Variants in RAB3D observed in about 807,000 individuals in gnomAD.
RAB3D encodes the protein RAB3D, member RAS oncogene family.
A neutral mutation model predicts 19.3 loss-of-function variants in RAB3D; 17 were observed. The ratio of observed to expected loss-of-function variants is 0.88; its 90% CI spans 0.60 to 1.32. The LOEUF (loss-of-function observed/expected upper bound fraction) is 1.32. RAB3D is among the 40% of genes most tolerant of loss of function. RAB3D has a pLI of 0.00. For missense variants in RAB3D, 223 were observed against 299.1 expected (o/e 0.75, Z 1.88); for synonymous variants, 103 against 119.9 (o/e 0.86, Z 0.92).
intron 4 of RAB3D, among the ~76,000 whole-genome samples, chr19:11,328,351 A>AAG (rs1194348303): frequency 6.0e-5 from 9 of 149,344 alleles, no homozygotes; most frequent in Admixed American, 2.0e-4. Flanking sequence ...AAAAAAAAAA[A>AAG]AAGAAGAAGG....
rs1023937898 is a variant in RAB3D at position 11,325,275 on chromosome 19, C to T, written c.*123G>A. 7.6e-6 allele frequency: 5 copies of T among 653,868 alleles called. No homozygotes were observed. Among genetic ancestry groups the T allele is most frequent in the African/African-American group, 7.4e-5 (4 of 53,754 alleles). 40.5% of individuals were successfully genotyped at this position (653,868 alleles called of 1,614,324 possible). A position where few individuals can be genotyped will look rare whatever the true frequency, so the allele number is the denominator to read the frequency against. On this transcript the variant is annotated 3_prime_UTR_variant, in exon 5 of 5. Coordinates refer to ENST00000222120, the MANE Select transcript of RAB3D (RefSeq NM_004283.4). Reference sequence around the variant, plus strand: ...GTGAAGGAATGAGCCATGCAGGAGTCGGGGAGCAGTTGACAGGAGGGAAGG... The same window carrying T: ...GTGAAGGAATGAGCCATGCAGGAGTTGGGGAGCAGTTGACAGGAGGGAAGG...
intron 1 of RAB3D, among the ~76,000 whole-genome samples, chr19:11,338,390 G>A (rs555656367): frequency 6.6e-6 from 1 of 152,302 alleles, no homozygotes; most frequent in Admixed American, 6.5e-5. Flanking sequence ...AGCTGGGGTG[G>A]GGTGGGGGGA....
chr19:11,323,924 A>T lies in RAB3D; in HGVS notation c.*1474T>A, dbSNP rs910910137. ...CTGCGCCCCTAGAGTTTGGAATCTG[A>T]TGGGCAGAAAGTGCCTCTAAACCGG... is the stretch of plus-strand genomic sequence containing the variant. On this transcript the variant is annotated 3_prime_UTR_variant, in exon 5 of 5. Transcript: ENST00000222120. The T allele has an allele frequency of 6.6e-6, 1 of 152,216 alleles. No homozygotes were observed. Among genetic ancestry groups the T allele is most frequent in the African/African-American group, 2.4e-5 (1 of 41,418 alleles). 9.4% of individuals were successfully genotyped at this position (152,216 alleles called of 1,614,324 possible).
chr19:11,325,604 G>A lies in RAB3D; in HGVS notation c.473-19C>T. ...TCGAAACCTGGATGAATGTTAAGGTGGGGACACTCGTAAGACCCCTGAGGG... is the reference window on the plus strand; with the variant it reads ...TCGAAACCTGGATGAATGTTAAGGTAGGGACACTCGTAAGACCCCTGAGGG... On this transcript the variant is annotated intron_variant, in intron 4 of 4. Transcript: ENST00000222120. 1 of 1,524,422 alleles carries A rather than the reference G, an allele frequency of 6.6e-7. No homozygotes were observed. The highest frequency in any genetic ancestry group is 8.7e-7 in the Non-Finnish European group (1 of 1,144,868). 94.4% of individuals were successfully genotyped at this position (1,524,422 alleles called of 1,614,324 possible). A position where few individuals can be genotyped will look rare whatever the true frequency, so the allele number is the denominator to read the frequency against.
chr19:11,336,920 A>G (rs1966900399), intron 2 of RAB3D, among the ~76,000 whole-genome samples: 1 of 151,124 alleles, frequency 6.6e-6, no homozygotes, highest in Non-Finnish European at 1.5e-5. Context: ...CAGTGAGCCA[A>G]CATTGTGCCA....
intron 4 of RAB3D, among the ~76,000 whole-genome samples, chr19:11,334,748 C>T (rs1378499615): frequency 6.6e-6 from 1 of 152,152 alleles, no homozygotes. Context: ...CATGGTGAAA[C>T]CCCATCTTTA....
intron 4 of RAB3D, among the ~76,000 whole-genome samples, chr19:11,333,781 C>T (rs1020891887): frequency 6.6e-6 from 1 of 151,888 alleles, no homozygotes; most frequent in African/African-American, 2.4e-5. Flanking sequence ...GCAGCCTCCA[C>T]CTCTCAGGTT....
chr19:11,329,634 GA>G (rs957745269), intron 4 of RAB3D, among the ~76,000 whole-genome samples: 83 of 150,714 alleles, frequency 5.5e-4, no homozygotes, highest in Non-Finnish European at 9.3e-4. Flanking sequence ...CAAAAGAAAA[GA>G]AAAAAAAATT....
rs112998115 is a variant in RAB3D, at chr19:11,333,693, CT to C, written c.472+1753del. On this transcript the variant is annotated intron_variant, in intron 4 of 4. Transcript: ENST00000222120. ...TTGCAAGCATCAGTTTCTTTCTTTC[CT>C]TTTTTTTTTTTTCTTTTGAGACAGA... Among the ~76,000 whole-genome samples the C allele has an allele frequency of 6.9e-4, 99 of 143,312 alleles. 1 individual carries two copies. The highest frequency in any genetic ancestry group is 1.3e-3 in the South Asian group (6 of 4,528). 94.0% of individuals were successfully genotyped at this position (143,312 alleles called of 152,430 possible). A position where few individuals can be genotyped will look rare whatever the true frequency, so the allele number is the denominator to read the frequency against.
chr19:11,325,799 C>G (rs113924851), intron 4 of RAB3D, among the ~76,000 whole-genome samples: 1 of 152,116 alleles, frequency 6.6e-6, no homozygotes, highest in African/African-American at 2.4e-5. Flanking sequence ...GCAGGCCAGG[C>G]GCAGGGGCTT....
At position 11,325,431 on chromosome 19, in the gene RAB3D, A is replaced by T. The variant is rs755862628; in HGVS notation, c.627T>A (p.Ala209=). The change falls in exon 5 of 5, where the codon GCT becomes GCA. Residue 209 remains alanine (A), a synonymous_variant. Transcript: ENST00000222120. ...TGCAGCTGCTGGGCTGGGGGGCTGG[A>T]GCATCCCCCACGGCCGGGCCTTTCC... ...SNGKGPAVGD[A]PAPQPSSCSC 6.2e-7 allele frequency: 1 copy of T among 1,604,828 alleles called. No individual in the cohort carries two copies. Among genetic ancestry groups the T allele is most frequent in the South Asian group, 1.1e-5 (1 of 90,926 alleles).
chr19:11,322,623 C>G lies in RAB3D; in HGVS notation c.*2775G>C, dbSNP rs1374494474. On this transcript the variant is annotated 3_prime_UTR_variant, in exon 5 of 5. Transcript: ENST00000222120. ...TCCCCAGAGACCATTTCCAATTAAA[C>G]CTCACCCCCCAAATCATTCAATGTA... The G allele has an allele frequency of 1.3e-5, 2 of 152,180 alleles. No homozygotes were observed. The highest frequency in any genetic ancestry group is 1.3e-4 in the Admixed American group (2 of 15,276). The allele number at this position is 152,180 out of a possible 1,614,324, so 9.4% of individuals were successfully genotyped here. A position where few individuals can be genotyped will look rare whatever the true frequency, so the allele number is the denominator to read the frequency against.
chr19:11,335,839 T>C, intron 2 of RAB3D, 56 bp from the exon 3 acceptor site: 2 of 1,513,464 alleles, frequency 1.3e-6, no homozygotes, highest in African/African-American at 2.7e-5. Context: ...AGTCCACCCC[T>C]GTCTTAGAGG....
chr19:11,327,652 G>A (rs988176192), intron 4 of RAB3D, among the ~76,000 whole-genome samples: 2 of 152,124 alleles, frequency 1.3e-5, no homozygotes, highest in African/African-American at 4.8e-5. Context: ...ACCTGCCTCA[G>A]CTTCCCAAAG....
In RAB3D at chr19:11,333,133, G is replaced by T. The variant is rs568273513; in HGVS notation, c.472+2314C>A. Among the ~76,000 whole-genome samples, 187 of 149,496 alleles carry T rather than the reference G, an allele frequency of 1.3e-3. 1 individual carries two copies. Among genetic ancestry groups the T allele is most frequent in the African/African-American group, 4.5e-3 (183 of 40,466 alleles). Reference sequence around the variant, plus strand: ...CCTGCTCTTCTACCCAGGCTGGAGTGTAGTGGCGTGATCTTGGCTCACTGC... The same window carrying T: ...CCTGCTCTTCTACCCAGGCTGGAGTTTAGTGGCGTGATCTTGGCTCACTGC... On this transcript the variant is annotated intron_variant, in intron 4 of 4. Coordinates refer to ENST00000222120, the MANE Select transcript of RAB3D (RefSeq NM_004283.4).
At chr19:11,332,118 C>T (rs978417913) in intron 4 of RAB3D, among the ~76,000 whole-genome samples, 11 of 152,188 alleles carry the variant, frequency 7.2e-5, no homozygotes, top group Non-Finnish European at 1.5e-4. Context: ...ACACAACCTC[C>T]GCCTCCTGGG....
Position 11,335,482 on chromosome 19 carries a change from G to A in RAB3D, c.437C>T (p.Pro146Leu). 2 of 1,614,204 alleles carry A rather than the reference G, an allele frequency of 1.2e-6. No individual in the cohort carries two copies. The highest frequency in any genetic ancestry group is 1.1e-5 in the South Asian group (1 of 91,086). ...KCDLEDERVV[P>L]AEDGRRLADD... Reference sequence around the variant, plus strand: ...GGCGAGCCTCCGGCCATCCTCAGCAGGCACAACACGTTCGTCCTCCAGGTC... The same window carrying A: ...GGCGAGCCTCCGGCCATCCTCAGCAAGCACAACACGTTCGTCCTCCAGGTC... The change falls in exon 4 of 5, where the codon CCT becomes CTT. Residue 146 changes from proline (P) to leucine (L), a missense_variant. Physicochemically the swap from Pro to Leu is moderately conservative, Grantham distance 98. Coordinates refer to ENST00000222120, the MANE Select transcript of RAB3D (RefSeq NM_004283.4).
intron 4 of RAB3D, among the ~76,000 whole-genome samples, chr19:11,331,496 C>T (rs1486069107): frequency 6.6e-6 from 1 of 151,492 alleles, no homozygotes; most frequent in Admixed American, 6.6e-5. Context: ...TGCTTGAGCC[C>T]AGGAGTTCAA....
chr19:11,326,374 C>T (rs1568299273), intron 4 of RAB3D, among the ~76,000 whole-genome samples: 1 of 152,142 alleles, frequency 6.6e-6, no homozygotes, highest in Admixed American at 6.5e-5. Context: ...GAGCAAGACC[C>T]TGTCTCAAAA....
Sources: allele counts gnomAD v4.1 joint callset (sites outside exome capture counted in the v4.1 genomes callset), GRCh38; gene constraint gnomAD v4.1.1; transcripts MANE v1.5; gene names NCBI Gene and HGNC (gene_info 2026-07-23, HGNC 2026-07-21).